Variants in ENTREP2 observed in about 807,000 individuals in gnomAD.
ENTREP2 encodes the protein endosomal transmembrane epsin interactor 2, also known as protein ENTREP2.
the ENTREP2 span, chr15:29,381,813 T>C: frequency 6.4e-7 from 1 of 1,551,262 alleles, no homozygotes; most frequent in Non-Finnish European, 8.7e-7. Flanking sequence ...ACGACACCTA[T>C]GAGTCCCGAC....
chr15:29,399,262 G>A, the ENTREP2 span, among the ~76,000 whole-genome samples: 1 of 152,178 alleles, frequency 6.6e-6, no homozygotes, highest in African/African-American at 2.4e-5. Flanking sequence ...CCTGAGGACA[G>A]GACCCAATTA....
At chr15:29,189,082 C>A in the ENTREP2 span, among the ~76,000 whole-genome samples, 1 of 152,182 alleles carries the variant, frequency 6.6e-6, no homozygotes, top group African/African-American at 2.4e-5. Flanking sequence ...AAAGCCTTTC[C>A]GTGGGTTCTG....
chr15:29,555,739 A>T, the ENTREP2 span, among the ~76,000 whole-genome samples: 1 of 151,818 alleles, frequency 6.6e-6, no homozygotes, highest in Non-Finnish European at 1.5e-5. Flanking sequence ...GCCCTCCCTA[A>T]CTCCCCTCTG....
At chr15:29,530,617 G>A in the ENTREP2 span, among the ~76,000 whole-genome samples, 1 of 152,208 alleles carries the variant, frequency 6.6e-6, no homozygotes, top group African/African-American at 2.4e-5. Flanking sequence ...ATCCTGTCCT[G>A]CTGTGCGGCT....
At chr15:29,437,288 AAAAAAACATAAC>A in the ENTREP2 span, among the ~76,000 whole-genome samples, 1,143 of 152,282 alleles carry the variant, frequency 7.5e-3, 15 homozygotes, top group African/African-American at 0.026. Flanking sequence ...CATTTAAAGA[AAAAAAACATAAC>A]TGCAATATTG....
the ENTREP2 span, among the ~76,000 whole-genome samples, chr15:29,290,749 T>G: frequency 6.6e-6 from 1 of 152,248 alleles, no homozygotes; most frequent in African/African-American, 2.4e-5. Context: ...TAGGTTCCTC[T>G]GCCTGTGATT....
chr15:29,488,765 G>A, the ENTREP2 span, among the ~76,000 whole-genome samples: 1 of 152,202 alleles, frequency 6.6e-6, no homozygotes, highest in Admixed American at 6.5e-5. Context: ...GCAATGAAAT[G>A]ACATTTTAAA....
At chr15:29,363,918 T>G in the ENTREP2 span, among the ~76,000 whole-genome samples, 1 of 152,166 alleles carries the variant, frequency 6.6e-6, no homozygotes, top group African/African-American at 2.4e-5. Context: ...TTCTGACTAG[T>G]GTCCAGGATA....
At chr15:29,282,364 C>T in the ENTREP2 span, among the ~76,000 whole-genome samples, 12 of 152,186 alleles carry the variant, frequency 7.9e-5, no homozygotes, top group Non-Finnish European at 1.6e-4. Context: ...TCCCCAGCCA[C>T]GTGAAACTGT....
chr15:29,608,521 C>CA, the ENTREP2 span, among the ~76,000 whole-genome samples: 1 of 72,504 alleles, frequency 1.4e-5, no homozygotes, highest in African/African-American at 4.6e-5. Context: ...CTCCTGCCTT[C>CA]TTTATTATTA....
the ENTREP2 span, among the ~76,000 whole-genome samples, chr15:29,293,966 G>C: frequency 6.6e-6 from 1 of 152,204 alleles, no homozygotes; most frequent in Non-Finnish European, 1.5e-5. Context: ...TCTGGGAAGA[G>C]GAGCTGGGCC....
At chr15:29,252,027 A>G in the ENTREP2 span, among the ~76,000 whole-genome samples, 15 of 152,346 alleles carry the variant, frequency 9.8e-5, no homozygotes, top group Admixed American at 5.9e-4. Flanking sequence ...TAAAAATTCA[A>G]TACAAATAAG....
the ENTREP2 span, among the ~76,000 whole-genome samples, chr15:29,136,149 A>G: frequency 6.6e-6 from 1 of 152,186 alleles, no homozygotes; most frequent in African/African-American, 2.4e-5. Flanking sequence ...GGCCTCATCT[A>G]CAGCACAGGG....
the ENTREP2 span, among the ~76,000 whole-genome samples, chr15:29,398,849 G>A: frequency 2.0e-5 from 3 of 152,206 alleles, no homozygotes; most frequent in Non-Finnish European, 4.4e-5. Flanking sequence ...CCCTTGGGCC[G>A]TGGGTGGGAC....
the ENTREP2 span, among the ~76,000 whole-genome samples, chr15:29,190,359 T>TA: frequency 0.036 from 5,027 of 139,934 alleles, 89 homozygotes; most frequent in African/African-American, 0.043. Flanking sequence ...GGTTCTCTGC[T>TA]AAAAAAAAAA....
At chr15:29,364,059 G>T in the ENTREP2 span, among the ~76,000 whole-genome samples, 2 of 151,856 alleles carry the variant, frequency 1.3e-5, no homozygotes, top group Admixed American at 1.3e-4. Context: ...TCTTTTTTTT[G>T]AGAGAAGAAA....
chr15:29,126,685 C>G, the ENTREP2 span, among the ~76,000 whole-genome samples: 1 of 152,192 alleles, frequency 6.6e-6, no homozygotes, highest in South Asian at 2.1e-4. Flanking sequence ...GAAATCATTC[C>G]AGGAATGGCA....
At chr15:29,483,122 G>A in the ENTREP2 span, among the ~76,000 whole-genome samples, 2 of 152,154 alleles carry the variant, frequency 1.3e-5, no homozygotes, top group African/African-American at 4.8e-5. Flanking sequence ...ATGCTTATTT[G>A]ACAACTGTAT....
chr15:29,631,126 ATC>A, the ENTREP2 span, among the ~76,000 whole-genome samples: 1 of 151,910 alleles, frequency 6.6e-6, no homozygotes, highest in Non-Finnish European at 1.5e-5. Flanking sequence ...CCTTTTTTAC[ATC>A]TTCTATTTCT....
Sources: allele counts gnomAD v4.1 joint callset (sites outside exome capture counted in the v4.1 genomes callset), GRCh38; gene constraint gnomAD v4.1.1; transcripts MANE v1.5; gene names NCBI Gene and HGNC (gene_info 2026-07-23, HGNC 2026-07-21).